CPNE8: variants seen among roughly 807,000 people sequenced by gnomAD.
The protein encoded by CPNE8 is copine-8.
CPNE8 carries 45 observed loss-of-function variants against 81.5 expected under a neutral mutation model. That is an observed-to-expected ratio of 0.55 (90% CI 0.44 to 0.71). The LOEUF (loss-of-function observed/expected upper bound fraction) is 0.71. Among genes scored for constraint, CPNE8 ranks in the 30% least tolerant of loss-of-function variants. The probability of loss-of-function intolerance (pLI) is 0.00; values close to 1 mark genes in which losing one functional copy is unlikely to be tolerated. For missense variants in CPNE8, 594 were observed against 672.1 expected (o/e 0.88, Z 1.28); for synonymous variants, 252 against 226.3 (o/e 1.11, Z -1.02).
At chr12:38,899,537 T>C (rs1944431229) in intron 1 of CPNE8, among the ~76,000 whole-genome samples, 3 of 152,188 alleles carry the variant, frequency 2.0e-5, no homozygotes, top group Admixed American at 1.3e-4. Flanking sequence ...CAAACAACAA[T>C]AATTTTCTTT....
chr12:38,823,315 ATT>A (rs374320071), intron 6 of CPNE8, among the ~76,000 whole-genome samples: 301 of 152,158 alleles, frequency 2.0e-3, no homozygotes, highest in African/African-American at 6.7e-3. Flanking sequence ...CTAAGTCACA[ATT>A]GAGATCCCCA....
intron 10 of CPNE8, among the ~76,000 whole-genome samples, chr12:38,736,074 T>G (rs1306560139): frequency 6.6e-6 from 1 of 151,784 alleles, no homozygotes; most frequent in African/African-American, 2.4e-5. Context: ...AAATTAAGAG[T>G]TCAGCAGGAG....
chr12:38,902,360 GAA>G lies in CPNE8; in HGVS notation c.98+3075_98+3076del, dbSNP rs71075005. 1.0e-3 allele frequency among the ~76,000 whole-genome samples: 69 copies of G among 68,094 alleles called. 8 individuals are homozygous for G. The highest frequency in any genetic ancestry group is 5.5e-3 in the African/African-American group (63 of 11,430). The allele number at this position is 68,094 out of a possible 152,430, so 44.7% of individuals were successfully genotyped here. A position where few individuals can be genotyped will look rare whatever the true frequency, so the allele number is the denominator to read the frequency against. ...AGAAAGAAAGAAAGAAAGAAAGAAA[GAA>G]AGAAAGAAAGAAAGAAAGAAAAGAA... On this transcript the variant is annotated intron_variant, in intron 1 of 19. Transcript: ENST00000331366.
rs910920785 is a variant in CPNE8, at chr12:38,902,656, C to T, written c.98+2781G>A. Among the ~76,000 whole-genome samples the T allele has an allele frequency of 2.0e-5, 3 of 152,242 alleles. No homozygotes were observed. In the South Asian group the frequency reaches 6.2e-4, roughly 32 times the overall value. On this transcript the variant is annotated intron_variant, in intron 1 of 19. Transcript: ENST00000331366. ...TACAAAACATGTTCTTGATGCACAT[C>T]AAAGAAGATAGAGAAAGCGGGAACA...
At chr12:38,693,916 C>A in intron 14 of CPNE8, 78 bp from the exon 15 acceptor site, 5 of 1,183,048 alleles carry the variant, frequency 4.2e-6, no homozygotes, top group Non-Finnish European at 5.9e-6. Context: ...GTGTCTATTT[C>A]AGAATGAAAT....
Position 38,731,662 on chromosome 12 carries a change from T to C in CPNE8, c.723-1304A>G, listed in dbSNP as rs55834931. 5.1e-3 allele frequency among the ~76,000 whole-genome samples: 775 copies of C among 152,006 alleles called. 2 individuals are homozygous for C. Among genetic ancestry groups the C allele is most frequent in the Non-Finnish European group, 7.6e-3 (519 of 67,844 alleles). ...TTTAAATTTCAGAAGCAGATTAATA[T>C]GAATATGTTAATAGCAAAAAGAATT... is the stretch of plus-strand genomic sequence containing the variant. On this transcript the variant is annotated intron_variant, in intron 10 of 19. Transcript: ENST00000331366.
At chr12:38,901,411 G>C (rs965932927) in intron 1 of CPNE8, among the ~76,000 whole-genome samples, 2 of 152,026 alleles carry the variant, frequency 1.3e-5, no homozygotes, top group Non-Finnish European at 2.9e-5. Context: ...AGGACCCAAG[G>C]AAAACAGGTG....
At chr12:38,812,065 A>G (rs980673246) in intron 6 of CPNE8, among the ~76,000 whole-genome samples, 1 of 152,190 alleles carries the variant, frequency 6.6e-6, no homozygotes, top group Non-Finnish European at 1.5e-5. Context: ...ATATAAACTG[A>G]AGTAAGACAA....
intron 10 of CPNE8, among the ~76,000 whole-genome samples, chr12:38,753,264 C>T (rs1423295041): frequency 6.6e-6 from 1 of 151,952 alleles, no homozygotes; most frequent in African/African-American, 2.4e-5. Context: ...CAAGCCTGGT[C>T]AACATGGTGA....
intron 1 of CPNE8, among the ~76,000 whole-genome samples, chr12:38,879,268 T>C (rs1212328432): frequency 6.6e-6 from 1 of 151,670 alleles, no homozygotes; most frequent in African/African-American, 2.4e-5. Context: ...AATTGCCAGA[T>C]AGGAAGCAGC....
chr12:38,791,650 T>A (rs796696624), intron 6 of CPNE8, among the ~76,000 whole-genome samples: 20 of 151,626 alleles, frequency 1.3e-4, no homozygotes, highest in African/African-American at 4.8e-4. Context: ...AATATGAGAC[T>A]TCAATACCAC....
At chr12:38,703,773 A>C (rs1160441180) in intron 13 of CPNE8, among the ~76,000 whole-genome samples, 1 of 152,170 alleles carries the variant, frequency 6.6e-6, no homozygotes. Context: ...CATGTACAAA[A>C]ATCAGTAGCT....
intron 6 of CPNE8, among the ~76,000 whole-genome samples, chr12:38,818,437 C>A (rs1204055031): frequency 6.6e-6 from 1 of 152,178 alleles, no homozygotes; most frequent in African/African-American, 2.4e-5. Flanking sequence ...CCAGCTTCAT[C>A]CATGTCCCTG....
intron 6 of CPNE8, among the ~76,000 whole-genome samples, chr12:38,819,050 T>A (rs1011950961): frequency 6.6e-6 from 1 of 152,210 alleles, no homozygotes; most frequent in Non-Finnish European, 1.5e-5. Context: ...GTCAGATTGA[T>A]ACATTTCAAA....
At chr12:38,787,406 AT>A (rs1266008334) in intron 6 of CPNE8, among the ~76,000 whole-genome samples, 1 of 151,738 alleles carries the variant, frequency 6.6e-6, no homozygotes, top group Non-Finnish European at 1.5e-5. Context: ...TGAAAAATTG[AT>A]AAGGGAAGCA....
intron 13 of CPNE8, among the ~76,000 whole-genome samples, chr12:38,720,035 G>T (rs556868224): frequency 6.6e-6 from 1 of 152,132 alleles, no homozygotes; most frequent in Non-Finnish European, 1.5e-5. Flanking sequence ...GCCCAGGCTG[G>T]AGTGCAGTGG....
chr12:38,767,132 G>A (rs1941707017), intron 8 of CPNE8, among the ~76,000 whole-genome samples: 1 of 151,956 alleles, frequency 6.6e-6, no homozygotes, highest in African/African-American at 2.4e-5. Flanking sequence ...TTAAATTATG[G>A]TCTATAACTC....
At chr12:38,699,506 T>C (rs916932373) in intron 14 of CPNE8, among the ~76,000 whole-genome samples, 3 of 152,214 alleles carry the variant, frequency 2.0e-5, no homozygotes, top group African/African-American at 7.2e-5. Context: ...TAGAAGTCTT[T>C]CCATATTAGT....
intron 6 of CPNE8, among the ~76,000 whole-genome samples, chr12:38,810,083 C>T (rs553131544): frequency 6.6e-6 from 1 of 152,250 alleles, no homozygotes; most frequent in African/African-American, 2.4e-5. Flanking sequence ...GTTTTATCAG[C>T]CTGTTTCCTG....
Sources: gnomAD v4.1 joint callset for allele counts (sites outside exome capture counted in the v4.1 genomes callset) on GRCh38, gnomAD v4.1.1 for gene constraint, MANE v1.5 for transcripts, NCBI Gene and HGNC (gene_info 2026-07-23, HGNC 2026-07-21) for gene names.